Variants in UNC5B observed in about 807,000 individuals in gnomAD.
The protein encoded by UNC5B is netrin receptor UNC5B.
UNC5B carries 56 observed loss-of-function variants against 103.7 expected under a neutral mutation model. The ratio of observed to expected loss-of-function variants is 0.54; its 90% CI spans 0.44 to 0.67. The LOEUF is 0.67. Ranked by LOEUF, UNC5B falls within the 30% of genes least tolerant of loss-of-function variation. The pLI is 0.00. For synonymous variants in UNC5B, 577 were observed against 542.0 expected, an observed-to-expected ratio of 1.06 and a Z score of -0.90; for missense variants, 1,194 against 1,284.5, an observed-to-expected ratio of 0.93 and a Z score of 1.08.
intron 1 of UNC5B, among the ~76,000 whole-genome samples, chr10:71,227,986 C>T (rs1273010165): frequency 1.3e-5 from 2 of 152,144 alleles, no homozygotes; most frequent in African/African-American, 2.4e-5. Context: ...GTAATTAAAA[C>T]AGTGTGCTTA....
chr10:71,244,323 C>T (rs779789999), intron 1 of UNC5B, among the ~76,000 whole-genome samples: 1 of 152,194 alleles, frequency 6.6e-6, no homozygotes, highest in Non-Finnish European at 1.5e-5. Flanking sequence ...GCCCCCCACC[C>T]CAGGGCCACT....
In UNC5B at chr10:71,291,590, T is replaced by C; in HGVS notation, c.1453T>C (p.Tyr485His). ...CTTACCCAGCCTTAAGGTCAAGGTC[T>C]ACAGCTCCAGCACCACGGGCTCTGG... ...DPLPSLKVKV[Y>H]SSSTTGSGPG... The change falls in exon 10 of 17, where the codon TAC becomes CAC. Residue 485 changes from tyrosine (Y) to histidine (H), a missense_variant. Transcript: ENST00000335350. The C allele has an allele frequency of 6.2e-7, 1 of 1,614,162 alleles. No individual in the cohort carries two copies.
At chr10:71,287,372 T>A (rs1461100494) in intron 5 of UNC5B, among the ~76,000 whole-genome samples, 1 of 152,156 alleles carries the variant, frequency 6.6e-6, no homozygotes, top group African/African-American at 2.4e-5. Flanking sequence ...TTTGCCGTCT[T>A]ACAATGAGGT....
At chr10:71,217,826 C>T (rs1354093750) in intron 1 of UNC5B, 1 of 152,440 alleles carries the variant, frequency 6.6e-6, no homozygotes, top group Non-Finnish European at 1.5e-5. Context: ...ATTCTACCCT[C>T]TCCTGCGTCC....
At chr10:71,237,494 G>A (rs781026848) in intron 1 of UNC5B, among the ~76,000 whole-genome samples, 2 of 152,162 alleles carry the variant, frequency 1.3e-5, no homozygotes, top group Non-Finnish European at 2.9e-5. Flanking sequence ...TGTGCCCTTG[G>A]GGTCACCTCT....
At chr10:71,276,817 C>T (rs1455253375) in intron 1 of UNC5B, among the ~76,000 whole-genome samples, 4 of 152,242 alleles carry the variant, frequency 2.6e-5, no homozygotes, top group Admixed American at 6.5e-5. Flanking sequence ...CAGGCAGGAA[C>T]CTCAGGTGGG....
chr10:71,269,086 C>T (rs1424430516), intron 1 of UNC5B, among the ~76,000 whole-genome samples: 1 of 152,172 alleles, frequency 6.6e-6, no homozygotes, highest in Non-Finnish European at 1.5e-5. Context: ...CAAAAGTCCT[C>T]AGTCAATAGC....
intron 10 of UNC5B, 39 bp downstream of exon 10, chr10:71,291,860 G>A: frequency 6.4e-7 from 1 of 1,553,860 alleles, no homozygotes; most frequent in Non-Finnish European, 8.6e-7. Context: ...CCTGGCCTTA[G>A]CACCTCCTCT....
intron 15 of UNC5B, among the ~76,000 whole-genome samples, 171 bp from the exon 16 acceptor site, chr10:71,297,738 C>A (rs1475075216): frequency 6.6e-6 from 1 of 152,240 alleles, no homozygotes; most frequent in African/African-American, 2.4e-5. Flanking sequence ...GCAGGCCTTG[C>A]CCTTGGGAAC....
intron 1 of UNC5B, among the ~76,000 whole-genome samples, chr10:71,235,456 T>C (rs1124397): frequency 0.26 from 39,018 of 152,190 alleles, 5,627 homozygotes; most frequent in East Asian, 0.37. Flanking sequence ...CTGGAGGTTG[T>C]GCCAGCGTGG....
rs550670119 is a variant in UNC5B, at chr10:71,284,788, G to A, written c.373G>A (p.Asp125Asn). The change falls in exon 3 of 17, where the codon GAT (aspartate) becomes AAT (asparagine). Residue 125 changes from aspartate (D) to asparagine (N), a missense_variant. Asp to Asn is a conservative substitution (Grantham distance 23, BLOSUM62 1). Transcript: ENST00000335350. The part of the protein sequence containing the change: ...QQVEELFGLE[D>N]YWCQCVAWSS... ...GGTGGAGGAGCTCTTTGGGCTGGAG[G>A]ATTACTGGTGCCAGTGCGTGGCCTG... is the stretch of plus-strand genomic sequence containing the variant. 7.9e-5 allele frequency: 128 copies of A among 1,613,946 alleles called. 2 individuals carry two copies. The South Asian group carries it at 1.3e-3, about 17-fold the overall frequency.
chr10:71,297,750 G>A (rs770806378), intron 15 of UNC5B, among the ~76,000 whole-genome samples, 159 bp from the exon 16 acceptor site: 2 of 152,218 alleles, frequency 1.3e-5, no homozygotes, highest in Non-Finnish European at 2.9e-5. Context: ...CTTGGGAACC[G>A]ACCCTTCAAG....
At chr10:71,277,009 G>A (rs745460828) in intron 1 of UNC5B, among the ~76,000 whole-genome samples, 1 of 152,266 alleles carries the variant, frequency 6.6e-6, no homozygotes, top group Non-Finnish European at 1.5e-5. Context: ...CCAGGGCTGA[G>A]AGGAGGGGCG....
At chr10:71,296,081 C>T in intron 14 of UNC5B, 121 bp downstream of exon 14, 1 of 1,401,718 alleles carries the variant, frequency 7.1e-7, no homozygotes, top group Non-Finnish European at 9.7e-7. Context: ...CTGGATCTCT[C>T]ACTGTCTCTG....
At chr10:71,289,652 G>A (rs1339586018) in intron 8 of UNC5B, among the ~76,000 whole-genome samples, 2 of 152,242 alleles carry the variant, frequency 1.3e-5, no homozygotes, top group East Asian at 1.9e-4. Context: ...ACTGGGGGTC[G>A]GGCTGGGGAT....
chr10:71,242,434 G>T (rs575646952), intron 1 of UNC5B, among the ~76,000 whole-genome samples: 3 of 152,300 alleles, frequency 2.0e-5, no homozygotes, highest in African/African-American at 7.2e-5. Context: ...CTTCTTTCCA[G>T]CAGCTGAGTG....
intron 4 of UNC5B, among the ~76,000 whole-genome samples, chr10:71,286,444 G>A (rs1845082801): frequency 6.6e-6 from 1 of 152,174 alleles, no homozygotes; most frequent in South Asian, 2.1e-4. Context: ...TGGGGTAGGT[G>A]CTATTCAATT....
chr10:71,235,081 G>A (rs372572530), intron 1 of UNC5B, among the ~76,000 whole-genome samples: 7 of 149,624 alleles, frequency 4.7e-5, no homozygotes, highest in South Asian at 4.2e-4. Flanking sequence ...ACTCGCTGCC[G>A]CTGCCTCTGA....
chr10:71,292,460 C>A lies in UNC5B; in HGVS notation c.1685-7C>A. The A allele has an allele frequency of 6.3e-7, 1 of 1,586,464 alleles. No individual in the cohort carries two copies. Among genetic ancestry groups the A allele is most frequent in the Non-Finnish European group, 8.6e-7 (1 of 1,165,400 alleles). ...TGGACTCCCTGCTGACTTCCCTCTC[C>A]CCCTAGGGGTCAGCTTGCTGGTGCC... On this transcript the variant is annotated splice_region_variant and splice_polypyrimidine_tract_variant and intron_variant, in intron 10 of 16. Transcript: ENST00000335350.
Sources: gnomAD v4.1 joint callset for allele counts (sites outside exome capture counted in the v4.1 genomes callset) on GRCh38, gnomAD v4.1.1 for gene constraint, MANE v1.5 for transcripts, NCBI Gene and HGNC (gene_info 2026-07-23, HGNC 2026-07-21) for gene names.